TCEA1: variants seen among roughly 807,000 people sequenced by gnomAD.
TCEA1 encodes transcription elongation factor A protein 1.
TCEA1 carries 21 observed loss-of-function variants against 43.8 expected under a neutral mutation model. The observed-to-expected ratio is 0.48, with a 90% CI of 0.34 to 0.69. The LOEUF (loss-of-function observed/expected upper bound fraction) is 0.69, where lower values mean the gene tolerates loss of function less well. Among genes scored for constraint, TCEA1 ranks in the 30% least tolerant of loss-of-function variants. TCEA1 has a pLI of 0.01. For synonymous variants in TCEA1, 104 were observed against 117.5 expected (o/e 0.88, Z 0.75); for missense variants, 250 against 365.1 (o/e 0.68, Z 2.57).
Position 54,022,047 on chromosome 8 carries a change from C to T in TCEA1, c.63+16G>A, listed in dbSNP as rs1305413521. On this transcript the variant is annotated intron_variant, in intron 1 of 9. Coordinates refer to ENST00000521604, the MANE Select transcript of TCEA1 (RefSeq NM_006756.4). ...GCCCGGCCTCCCTCCCGGCCCGCGC[C>T]GCTCGCCGCGCTCACCGCGTTCTTC... is the stretch of plus-strand genomic sequence containing the variant. 1.3e-6 allele frequency: 2 copies of T among 1,574,584 alleles called. No homozygotes were observed. Among genetic ancestry groups the T allele is most frequent in the East Asian group, 4.9e-5 (2 of 40,408 alleles).
chr8:54,001,881 C>T (rs1285318121), intron 2 of TCEA1, among the ~76,000 whole-genome samples: 1 of 151,906 alleles, frequency 6.6e-6, no homozygotes, highest in African/African-American at 2.4e-5. Context: ...CGGTGGCTCA[C>T]ACCTGTAATC....
At position 54,018,017 on chromosome 8, in the gene TCEA1, T is replaced by C. The variant is rs114447254; in HGVS notation, c.63+4046A>G. 2.3e-3 allele frequency among the ~76,000 whole-genome samples: 356 copies of C among 152,350 alleles called. 1 individual carries two copies. Among genetic ancestry groups the C allele is most frequent in the African/African-American group, 8.2e-3 (341 of 41,576 alleles). On this transcript the variant is annotated intron_variant, in intron 1 of 9. Coordinates refer to ENST00000521604, the MANE Select transcript of TCEA1 (RefSeq NM_006756.4). Reference sequence around the variant, plus strand: ...CATTGTTCAAGAGTCAACTACACTTTAAGAATGAATTTAATTCTATTTCTC... The same window carrying C: ...CATTGTTCAAGAGTCAACTACACTTCAAGAATGAATTTAATTCTATTTCTC...
chr8:54,007,670 T>C (rs780960394), intron 2 of TCEA1, among the ~76,000 whole-genome samples: 9 of 152,334 alleles, frequency 5.9e-5, no homozygotes, highest in South Asian at 4.1e-4. Context: ...CAATTTCAGT[T>C]AGCCATTAAT....
chr8:54,013,463 G>A (rs1804718790), intron 1 of TCEA1, among the ~76,000 whole-genome samples: 1 of 152,050 alleles, frequency 6.6e-6, no homozygotes, highest in South Asian at 2.1e-4. Flanking sequence ...GGATCAACCT[G>A]AGCTCAGGAG....
chr8:53,986,384 G>A (rs1049463146), intron 6 of TCEA1, among the ~76,000 whole-genome samples: 4 of 152,214 alleles, frequency 2.6e-5, no homozygotes, highest in South Asian at 4.1e-4. Context: ...GTGGTGTTAA[G>A]CCACTGAAAT....
intron 1 of TCEA1, among the ~76,000 whole-genome samples, chr8:54,016,715 G>T (rs983101016): frequency 6.6e-6 from 1 of 151,736 alleles, no homozygotes; most frequent in East Asian, 1.9e-4. Context: ...TGGCTCACGC[G>T]TGGAAATCCC....
At chr8:54,011,987 T>G (rs2129312974) in intron 1 of TCEA1, among the ~76,000 whole-genome samples, 1 of 152,308 alleles carries the variant, frequency 6.6e-6, no homozygotes, top group South Asian at 2.1e-4. Context: ...ATTCTTCCTA[T>G]TTAGTCATCT....
chr8:54,020,252 A>C (rs1341666792), intron 1 of TCEA1, among the ~76,000 whole-genome samples: 1 of 152,214 alleles, frequency 6.6e-6, no homozygotes, highest in East Asian at 1.9e-4. Flanking sequence ...TCTCCAGACC[A>C]GAGAAAAATC....
intron 3 of TCEA1, 84 bp downstream of exon 3, chr8:53,999,861 C>G: frequency 1.0e-6 from 1 of 960,596 alleles, no homozygotes; most frequent in Non-Finnish European, 1.6e-6. Context: ...AAAATGTAAC[C>G]ATTAACTAAC....
rs371497155 is a variant in TCEA1, at chr8:53,979,223, C to A, written c.679-52G>T. 220 of 1,495,392 alleles carry A rather than the reference C, an allele frequency of 1.5e-4. No homozygotes were observed. The African/African-American group carries it at 2.6e-3, about 18-fold the overall frequency. The allele number at this position is 1,495,392 out of a possible 1,614,324, so 92.6% of individuals were successfully genotyped here. ...AGTTATAGACACCTTCTATATATAT[C>A]CTGAATGCTTTTATGCTCAATTAGC... On this transcript the variant is annotated intron_variant, in intron 7 of 9. Coordinates refer to ENST00000521604, the MANE Select transcript of TCEA1 (RefSeq NM_006756.4).
At chr8:54,021,508 G>A (rs1324861248) in intron 1 of TCEA1, 1 of 152,234 alleles carries the variant, frequency 6.6e-6, no homozygotes, top group African/African-American at 2.4e-5. Flanking sequence ...AACTCGCCAA[G>A]AAACTGGCAC....
At chr8:53,973,679 G>A in intron 8 of TCEA1, 3 of 553,816 alleles carry the variant, frequency 5.4e-6, no homozygotes, top group Non-Finnish European at 1.0e-5. Context: ...AGAAAAAGCA[G>A]CTCATGAAAA....
intron 9 of TCEA1, among the ~76,000 whole-genome samples, chr8:53,969,665 T>TA (rs1436047510): frequency 2.0e-5 from 3 of 152,228 alleles, no homozygotes; most frequent in African/African-American, 7.2e-5. Context: ...TATAGTTCAG[T>TA]AATGGGAAGT....
rs1190157560 is a variant in TCEA1, at chr8:53,987,148, C to T, written c.467-123G>A. On this transcript the variant is annotated intron_variant, in intron 5 of 9. Transcript: ENST00000521604. ...ATTTGCCTGACATAAAGAAACCGTT[C>T]AGTTTAGTTCGTTAGAATCTGATCA... 5 of 808,776 alleles carry T rather than the reference C, an allele frequency of 6.2e-6. No individual in the cohort carries two copies. In the African/African-American group the frequency reaches 8.8e-5, roughly 14 times the overall value. 50.1% of individuals were successfully genotyped at this position (808,776 alleles called of 1,614,324 possible).
At chr8:53,978,482 T>C (rs10096376) in intron 8 of TCEA1, 24,796 of 152,508 alleles carry the variant, frequency 0.16, 5,705 homozygotes, top group African/African-American at 0.52. Context: ...GGAATACAGA[T>C]CATCCCTTTG....
At chr8:53,973,090 G>T (rs1452232275) in intron 8 of TCEA1, 2 of 659,176 alleles carry the variant, frequency 3.0e-6, no homozygotes, top group African/African-American at 3.5e-5. Flanking sequence ...GCTTCCTCTA[G>T]CGAAAATGAA....
intron 4 of TCEA1, among the ~76,000 whole-genome samples, chr8:53,991,520 C>A (rs1285002713): frequency 1.3e-5 from 2 of 152,010 alleles, no homozygotes; most frequent in Non-Finnish European, 2.9e-5. Context: ...AATGGAGAAA[C>A]CCCGTCTCCA....
intron 4 of TCEA1, chr8:53,993,311 A>C (rs560595245): frequency 6.3e-6 from 1 of 159,386 alleles, no homozygotes; most frequent in East Asian, 1.8e-4. Flanking sequence ...AATGAGATCA[A>C]GGGCCAAAAT....
At chr8:53,968,401 T>C (rs186532326) in intron 9 of TCEA1, among the ~76,000 whole-genome samples, 39 of 152,166 alleles carry the variant, frequency 2.6e-4, no homozygotes, top group Admixed American at 1.7e-3. Context: ...AATTCCAAAA[T>C]TGAACTTCTA....
Sources: allele counts gnomAD v4.1 joint callset (sites outside exome capture counted in the v4.1 genomes callset), GRCh38; gene constraint gnomAD v4.1.1; transcripts MANE v1.5; gene names NCBI Gene and HGNC (gene_info 2026-07-23, HGNC 2026-07-21).